Variants in NRK observed in about 807,000 individuals in gnomAD.
NRK encodes the protein Nik related kinase.
In NRK, 67 loss-of-function variants were observed where a neutral mutation model predicts 125.2. The observed-to-expected ratio is 0.54, with a 90% CI of 0.44 to 0.66. The LOEUF (loss-of-function observed/expected upper bound fraction) is 0.66, where lower values mean the gene tolerates loss of function less well. Ranked by LOEUF, NRK falls within the 30% of genes least tolerant of loss-of-function variation. NRK has a pLI of 0.00. For missense variants in NRK, 1,224 were observed against 1,192.9 expected (o/e 1.03, Z -0.38); for synonymous variants, 458 against 429.0 (o/e 1.07, Z -0.84).
At chrX:105,841,431 G>A (rs1356327610) in intron 2 of NRK, among the ~76,000 whole-genome samples, 1 of 111,919 alleles carries the variant, frequency 8.9e-6, no homozygotes, top group Non-Finnish European at 1.9e-5. Flanking sequence ...GGAATTTTGT[G>A]TTATTTCAAT....
At chrX:105,923,035 A>T (rs1310442133) in intron 17 of NRK, 83 bp from the exon 18 acceptor site, 42 of 951,912 alleles carry the variant, frequency 4.4e-5, no homozygotes, top group Non-Finnish European at 7.2e-6. Context: ...ATATATTTCA[A>T]AATGTTGTCA....
chrX:105,915,538 A>G (rs1404208249), intron 14 of NRK, among the ~76,000 whole-genome samples, 192 bp from the exon 15 acceptor site: 2 of 111,346 alleles, frequency 1.8e-5, no homozygotes, highest in African/African-American at 6.5e-5. Context: ...GATCAAATAT[A>G]CCATCAGAAA....
Position 105,909,522 on chromosome X carries a change from A to G in NRK, c.1881A>G (p.Leu627=), listed in dbSNP as rs1211690388. 1 of 1,208,970 alleles carries G rather than the reference A, an allele frequency of 8.3e-7. No homozygotes were observed. The highest frequency in any genetic ancestry group is 3.0e-5 in the East Asian group (1 of 33,650). Residue 627 remains leucine (L), a synonymous_variant, in exon 13 of 29, where the codon CTA becomes CTG. Coordinates refer to ENST00000243300, the MANE Select transcript of NRK (RefSeq NM_198465.4). ...EGSPQAQAWT[L]EPPQAIGSVQ... ...CACCTCAGGCACAGGCTTGGACACTAGAACCCCCACAGGCAATTGGCTCAG... is the reference window on the plus strand; with the variant it reads ...CACCTCAGGCACAGGCTTGGACACTGGAACCCCCACAGGCAATTGGCTCAG...
intron 5 of NRK, among the ~76,000 whole-genome samples, chrX:105,893,518 A>G (rs1040594370): frequency 9.0e-6 from 1 of 111,686 alleles, no homozygotes; most frequent in African/African-American, 3.3e-5. Context: ...TTAGTTTTCC[A>G]TAAATGGAAT....
At chrX:105,946,610 A>G (rs997229237) in intron 26 of NRK, 146 bp downstream of exon 26, 1 of 399,771 alleles carries the variant, frequency 2.5e-6, no homozygotes, top group East Asian at 4.1e-5. Flanking sequence ...AGAGTGCCAG[A>G]AAGTGGTCTT....
intron 2 of NRK, among the ~76,000 whole-genome samples, chrX:105,839,616 T>A (rs2039305456): frequency 8.9e-6 from 1 of 112,349 alleles, no homozygotes; most frequent in South Asian, 3.6e-4. Context: ...TGTAAACCAT[T>A]CTGTAATAAA....
chrX:105,849,359 C>T (rs1159203554), intron 2 of NRK, among the ~76,000 whole-genome samples: 2 of 111,578 alleles, frequency 1.8e-5, no homozygotes, highest in African/African-American at 3.3e-5. Context: ...CTGGGAGATA[C>T]AATTCAAGTT....
At chrX:105,949,839 A>G in intron 27 of NRK, 105 bp downstream of exon 27, 1 of 527,615 alleles carries the variant, frequency 1.9e-6, no homozygotes, top group Non-Finnish European at 3.0e-6. Flanking sequence ...TTCTTAAGAC[A>G]CATAAGATTA....
Position 105,921,971 on chromosome X carries a change from T to C in NRK, c.2520T>C (p.Ser840=). ...RQNWLAASES[S]SEEESPVTGR... is the part of the protein sequence containing the mutation. ...GTTTTTGGCATTCCATAGAATCTTCTTCTGAGGAAGAAAGTCCTGTGACTG... is the reference window on the plus strand; with the variant it reads ...GTTTTTGGCATTCCATAGAATCTTCCTCTGAGGAAGAAAGTCCTGTGACTG... Residue 840 remains serine, a synonymous_variant, in exon 17 of 29, where the codon TCT becomes TCC. Coordinates refer to ENST00000243300, the MANE Select transcript of NRK (RefSeq NM_198465.4). 8.9e-7 allele frequency: 1 copy of C among 1,128,817 alleles called. No homozygotes were observed. The highest frequency in any genetic ancestry group is 1.2e-6 in the Non-Finnish European group (1 of 823,886). 93.0% of individuals were successfully genotyped at this position (1,128,817 alleles called of 1,213,427 possible). A position where few individuals can be genotyped will look rare whatever the true frequency, so the allele number is the denominator to read the frequency against.
At chrX:105,849,452 A>G (rs1456116185) in intron 2 of NRK, among the ~76,000 whole-genome samples, 1 of 111,018 alleles carries the variant, frequency 9.0e-6, no homozygotes, top group East Asian at 2.8e-4. Flanking sequence ...TATAAAACCA[A>G]TCATGCCTTC....
rs769445045 is a variant in NRK at position 105,863,321 on chromosome X, GACACACAC to G, written c.124-16848_124-16841del. Reference sequence around the variant, plus strand: ...CAGACTTTTAGGTTAAATAGTAACAGACACACACACACACACACACACACACACACACA... The same window carrying G: ...CAGACTTTTAGGTTAAATAGTAACAGACACACACACACACACACACACACA... On this transcript the variant is annotated intron_variant, in intron 2 of 28. Transcript: ENST00000243300. 1.5e-4 allele frequency among the ~76,000 whole-genome samples: 9 copies of G among 60,448 alleles called. No homozygotes were observed. The East Asian group carries it at 2.3e-3, about 16-fold the overall frequency. The allele number at this position is 60,448 out of a possible 115,157, so 52.5% of individuals were successfully genotyped here.
chrX:105,931,815 T>A (rs1419043987), intron 19 of NRK, among the ~76,000 whole-genome samples: 2 of 111,868 alleles, frequency 1.8e-5, no homozygotes, highest in Non-Finnish European at 3.8e-5. Flanking sequence ...CTGGAACCGA[T>A]TATTTTTTTC....
chrX:105,890,364 C>T (rs2040001753), intron 5 of NRK, among the ~76,000 whole-genome samples: 1 of 111,886 alleles, frequency 8.9e-6, no homozygotes, highest in African/African-American at 3.3e-5. Flanking sequence ...TCTGAGCCCT[C>T]CAAACTATTT....
Position 105,909,686 on chromosome X carries a change from G to T in NRK, c.2045G>T (p.Arg682Leu), listed in dbSNP as rs369190820. 2 of 1,188,115 alleles carry T rather than the reference G, an allele frequency of 1.7e-6. No individual in the cohort carries two copies. ...TTTTACTCACAACCAGAACAGGCAC[G>T]GGAGAAAAAATCAAAAGTTTCTACT... is the stretch of plus-strand genomic sequence containing the variant. ...NRFYSQPEQA[R>L]EKKSKVSTLR... Residue 682 changes from arginine (R) to leucine (L), a missense_variant, in exon 13 of 29, where the codon CGG becomes CTG. Coordinates refer to ENST00000243300, the MANE Select transcript of NRK (RefSeq NM_198465.4).
chrX:105,936,677 C>T (rs1347837495), intron 21 of NRK, among the ~76,000 whole-genome samples: 1 of 111,463 alleles, frequency 9.0e-6, no homozygotes, highest in Non-Finnish European at 1.9e-5. Context: ...TGAAAAGCTC[C>T]CATAGTAGTT....
At chrX:105,827,199 C>T (rs755473651) in intron 1 of NRK, among the ~76,000 whole-genome samples, 5 of 111,472 alleles carry the variant, frequency 4.5e-5, no homozygotes, top group African/African-American at 6.5e-5. Flanking sequence ...ACTCATCTTG[C>T]CATATCCATC....
At chrX:105,864,212 C>A (rs1266398113) in intron 2 of NRK, among the ~76,000 whole-genome samples, 2 of 111,204 alleles carry the variant, frequency 1.8e-5, no homozygotes, top group Admixed American at 1.9e-4. Flanking sequence ...TATCAAAAAT[C>A]TAAATGAGAT....
intron 19 of NRK, among the ~76,000 whole-genome samples, chrX:105,927,337 C>A (rs773252673): frequency 1.5e-4 from 17 of 111,547 alleles, no homozygotes; most frequent in Non-Finnish European, 2.8e-4. Context: ...TTGTATCTTG[C>A]AACTTTACTG....
Position 105,908,745 on chromosome X carries a change from C to T in NRK, c.1104C>T (p.His368=), listed in dbSNP as rs377144577. Reference sequence around the variant, plus strand: ...ATTTTAGAGGACCCTCTTGCACTCACGAGCTTCTGAGATTGCCAACCAGCA... The same window carrying T: ...ATTTTAGAGGACCCTCTTGCACTCATGAGCTTCTGAGATTGCCAACCAGCA... The part of the protein sequence containing the change: ...VRRFRGPSCT[H]ELLRLPTSSR... Residue 368 remains histidine, a synonymous_variant, in exon 13 of 29, where the codon CAC becomes CAT. Coordinates refer to ENST00000243300, the MANE Select transcript of NRK (RefSeq NM_198465.4). The T allele has an allele frequency of 1.7e-4, 204 of 1,197,414 alleles. 1 individual carries two copies. In the African/African-American group the frequency reaches 2.4e-3, roughly 14 times the overall value.
Sources: allele counts gnomAD v4.1 joint callset (sites outside exome capture counted in the v4.1 genomes callset), GRCh38; gene constraint gnomAD v4.1.1; transcripts MANE v1.5; gene names NCBI Gene and HGNC (gene_info 2026-07-23, HGNC 2026-07-21).